Variants in SGSM1 observed in about 807,000 individuals in gnomAD.
SGSM1 encodes small G protein signaling modulator 1.
In SGSM1, 73 loss-of-function variants were observed where a neutral mutation model predicts 133.8. The ratio of observed to expected loss-of-function variants is 0.55; its 90% CI spans 0.45 to 0.66. SGSM1 has a LOEUF of 0.66. SGSM1 is among the 30% of genes least tolerant of loss of function. The pLI, the probability that SGSM1 is intolerant of heterozygous loss-of-function variation, is 0.00. For synonymous variants in SGSM1, 563 were observed against 573.0 expected, an observed-to-expected ratio of 0.98 and a Z score of 0.25; for missense variants, 1,213 against 1,448.1, an observed-to-expected ratio of 0.84 and a Z score of 2.64.
intron 2 of SGSM1, among the ~76,000 whole-genome samples, chr22:24,819,997 G>C (rs1928367735): frequency 6.6e-6 from 1 of 152,106 alleles, no homozygotes; most frequent in Non-Finnish European, 1.5e-5. Context: ...GAGGCCCCTG[G>C]GTCTGTGGAG....
At chr22:24,916,270 T>C (rs1933820035) in intron 22 of SGSM1, among the ~76,000 whole-genome samples, 1 of 152,202 alleles carries the variant, frequency 6.6e-6, no homozygotes, top group Non-Finnish European at 1.5e-5. Flanking sequence ...TTCCGTGGAT[T>C]TGCCTTTTCT....
intron 2 of SGSM1, among the ~76,000 whole-genome samples, chr22:24,818,740 G>A (rs1014606725): frequency 1.3e-5 from 2 of 152,100 alleles, no homozygotes; most frequent in Non-Finnish European, 1.5e-5. Flanking sequence ...CCTGCAGAAC[G>A]GTGTGATACA....
At chr22:24,856,010 CATCT>C in intron 8 of SGSM1, 1 of 481,184 alleles carries the variant, frequency 2.1e-6, no homozygotes. Flanking sequence ...CCCATCTTTA[CATCT>C]ATCCATCCAT....
chr22:24,911,406 C>T (rs1179462075), intron 21 of SGSM1, among the ~76,000 whole-genome samples: 1 of 151,272 alleles, frequency 6.6e-6, no homozygotes, highest in Admixed American at 6.6e-5. Flanking sequence ...ATTCTTCTCC[C>T]TCAGCCTCCC....
At chr22:24,838,727 G>T (rs538380380) in intron 2 of SGSM1, among the ~76,000 whole-genome samples, 1 of 151,972 alleles carries the variant, frequency 6.6e-6, no homozygotes, top group African/African-American at 2.4e-5. Context: ...TTGTCTAAAT[G>T]TGTGTTTTTT....
intron 14 of SGSM1, among the ~76,000 whole-genome samples, chr22:24,882,536 A>G (rs1932388439): frequency 6.6e-6 from 1 of 152,194 alleles, no homozygotes; most frequent in African/African-American, 2.4e-5. Flanking sequence ...CGGTTCTTCT[A>G]TAATAGCTAT....
chr22:24,825,346 C>CCATT (rs934652412), intron 2 of SGSM1, among the ~76,000 whole-genome samples: 9 of 152,168 alleles, frequency 5.9e-5, no homozygotes, highest in African/African-American at 2.2e-4. Context: ...CTGCTCCTTC[C>CCATT]CATTGCTCCA....
intron 9 of SGSM1, among the ~76,000 whole-genome samples, chr22:24,866,834 G>A (rs1339365949): frequency 6.6e-6 from 1 of 152,212 alleles, no homozygotes. Flanking sequence ...GGCCATTCCT[G>A]GAGTCCGAGG....
intron 12 of SGSM1, 76 bp downstream of exon 12, chr22:24,868,931 A>G (rs1374034535): frequency 1.3e-6 from 2 of 1,558,642 alleles, no homozygotes; most frequent in South Asian, 2.4e-5. Context: ...GTTTGAAACT[A>G]GAAGATGACA....
intron 7 of SGSM1, 42 bp from the exon 8 acceptor site, chr22:24,855,507 A>C (rs1601925737): frequency 6.2e-7 from 1 of 1,612,168 alleles, no homozygotes; most frequent in East Asian, 2.2e-5. Flanking sequence ...CCTGAAAATC[A>C]CCCCAGGCCT....
At chr22:24,918,072 C>A (rs1024627422) in intron 23 of SGSM1, among the ~76,000 whole-genome samples, 4 of 152,156 alleles carry the variant, frequency 2.6e-5, no homozygotes, top group Non-Finnish European at 2.9e-5. Flanking sequence ...TTCTGCTGTG[C>A]TGCTTTTCAG....
chr22:24,847,343 T>C (rs1930204035), intron 3 of SGSM1, among the ~76,000 whole-genome samples: 1 of 152,196 alleles, frequency 6.6e-6, no homozygotes, highest in Non-Finnish European at 1.5e-5. Context: ...GTTTGCTCTT[T>C]AGAGCTCTTA....
rs776928843 is a variant in SGSM1, at chr22:24,884,092, A to G, written c.1535A>G (p.His512Arg). ...YCRHLSTVRTHLSALVNHMIV... is the reference protein window; with the variant it reads ...YCRHLSTVRTRLSALVNHMIV... ...AGACACCTGTCCACCGTGAGAACCC[A>G]CCTATCAGCCCTGGTCAATCACATG... Residue 512 changes from histidine to arginine, a missense_variant, in exon 15 of 25, where the codon CAC (histidine) becomes CGC (arginine). Transcript: ENST00000400358. 1.2e-6 allele frequency: 2 copies of G among 1,613,518 alleles called. No homozygotes were observed. The highest frequency in any genetic ancestry group is 1.7e-6 in the Non-Finnish European group (2 of 1,179,722).
At chr22:24,832,958 G>A (rs1000834066) in intron 2 of SGSM1, among the ~76,000 whole-genome samples, 18 of 150,152 alleles carry the variant, frequency 1.2e-4, no homozygotes, top group African/African-American at 3.9e-4. Context: ...TTTTTCAGAC[G>A]GCGTTTCATT....
Position 24,898,457 on chromosome 22 carries a change from G to T in SGSM1, c.2508G>T (p.Glu836Asp), listed in dbSNP as rs1340443052. The part of the protein sequence containing the change: ...GQADSEDNLS[E>D]EPEMESLFPA... ...CGGACAGTGAGGACAACCTCTCGGA[G>T]GAGCCTGAGATGGAAAGTCTCTTCC... Residue 836 changes from glutamate to aspartate, a missense_variant, in exon 19 of 25, where the codon GAG becomes GAT. By Grantham distance (45) the Glu-to-Asp change is conservative (BLOSUM62 2). Coordinates refer to ENST00000400358, the MANE Select transcript of SGSM1 (RefSeq NM_001098497.3). 6.2e-7 allele frequency: 1 copy of T among 1,613,822 alleles called. No individual in the cohort carries two copies. Among genetic ancestry groups the T allele is most frequent in the African/African-American group, 1.3e-5 (1 of 74,940 alleles).
At chr22:24,910,924 G>C (rs528427776) in intron 21 of SGSM1, among the ~76,000 whole-genome samples, 2 of 152,200 alleles carry the variant, frequency 1.3e-5, no homozygotes, top group Non-Finnish European at 2.9e-5. Context: ...CAGCCTTGGT[G>C]ACACAGCAAG....
At chr22:24,886,908 C>T (rs866577636) in intron 16 of SGSM1, among the ~76,000 whole-genome samples, 180 bp downstream of exon 16, 3 of 152,144 alleles carry the variant, frequency 2.0e-5, no homozygotes, top group Non-Finnish European at 2.9e-5. Context: ...GCAATTTTTA[C>T]GTTTTTAAAT....
intron 10 of SGSM1, 125 bp from the exon 11 acceptor site, chr22:24,868,251 A>G: frequency 7.4e-7 from 1 of 1,342,714 alleles, no homozygotes; most frequent in Non-Finnish European, 1.0e-6. Flanking sequence ...GGACTTTCCC[A>G]GAGCCTCAGA....
At position 24,884,194 on chromosome 22, in the gene SGSM1, G is replaced by A. The variant is rs552099815; in HGVS notation, c.1637G>A (p.Ser546Asn). 8 of 1,612,604 alleles carry A rather than the reference G, an allele frequency of 5.0e-6. No individual in the cohort carries two copies. In the East Asian group the frequency reaches 1.8e-4, roughly 36 times the overall value. The change falls in exon 15 of 25, where the codon AGC becomes AAC. Residue 546 changes from serine (S) to asparagine (N), a missense_variant. By Grantham distance (46) the Ser-to-Asn change is conservative. Coordinates refer to ENST00000400358, the MANE Select transcript of SGSM1 (RefSeq NM_001098497.3). ...ARIWEQYLHD[S>N]TSYEEQELLR... ...ATCTGGGAGCAGTACCTTCACGACAGCACAGTAAGGCTTAGCTGGGCTTGG... is the reference window on the plus strand; with the variant it reads ...ATCTGGGAGCAGTACCTTCACGACAACACAGTAAGGCTTAGCTGGGCTTGG...
Sources: allele counts gnomAD v4.1 joint callset (sites outside exome capture counted in the v4.1 genomes callset), GRCh38; gene constraint gnomAD v4.1.1; transcripts MANE v1.5; gene names NCBI Gene and HGNC (gene_info 2026-07-23, HGNC 2026-07-21).